Variants in NRF1 observed in about 807,000 individuals in gnomAD.
NRF1 encodes the protein nuclear respiratory factor 1, also known as alpha palindromic-binding protein.
NRF1 carries 5 observed loss-of-function variants against 58.5 expected under a neutral mutation model. The ratio of observed to expected loss-of-function variants is 0.09; its 90% CI spans 0.04 to 0.18. NRF1 has a LOEUF of 0.18. NRF1 is among the 10% of genes least tolerant of loss of function. The probability of loss-of-function intolerance (pLI) is 1.00; values close to 1 mark genes in which losing one functional copy is unlikely to be tolerated. For synonymous variants in NRF1, 224 were observed against 246.7 expected, an observed-to-expected ratio of 0.91 and a Z score of 0.86; for missense variants, 288 against 657.7, an observed-to-expected ratio of 0.44 and a Z score of 6.15.
chr7:129,749,141 C>CA (rs1422429304), intron 10 of NRF1, among the ~76,000 whole-genome samples: 1 of 152,182 alleles, frequency 6.6e-6, no homozygotes, highest in Non-Finnish European at 1.5e-5. Context: ...TGAGAGGCAT[C>CA]ACTTTGTACG....
chr7:129,645,614 C>G (rs1801388001), intron 1 of NRF1, among the ~76,000 whole-genome samples: 1 of 152,118 alleles, frequency 6.6e-6, no homozygotes, highest in South Asian at 2.1e-4. Flanking sequence ...TTCCAAAAAC[C>G]TGATCTATTC....
chr7:129,694,031 A>G (rs555075798), intron 5 of NRF1, among the ~76,000 whole-genome samples: 3 of 152,336 alleles, frequency 2.0e-5, no homozygotes, highest in African/African-American at 7.2e-5. Context: ...TCAAAACCAC[A>G]CTCAGTAGAG....
At chr7:129,667,138 C>T (rs1437426917) in intron 2 of NRF1, among the ~76,000 whole-genome samples, 1 of 152,182 alleles carries the variant, frequency 6.6e-6, no homozygotes, top group African/African-American at 2.4e-5. Context: ...CCAAAGATGT[C>T]CATTTTCAAC....
chr7:129,634,085 C>CACACACA (rs1801119751), intron 1 of NRF1, among the ~76,000 whole-genome samples: 1 of 145,756 alleles, frequency 6.9e-6, no homozygotes, highest in East Asian at 2.0e-4. Flanking sequence ...CACACACACA[C>CACACACA]TTTATTTTTT....
intron 5 of NRF1, among the ~76,000 whole-genome samples, chr7:129,699,955 T>C (rs1483872590): frequency 7.1e-6 from 1 of 140,748 alleles, no homozygotes; most frequent in East Asian, 2.1e-4. Context: ...CTGACCAACA[T>C]AGTGAAACCC....
intron 2 of NRF1, among the ~76,000 whole-genome samples, chr7:129,661,027 C>A (rs1249166289): frequency 1.3e-5 from 2 of 151,358 alleles, no homozygotes; most frequent in Non-Finnish European, 2.9e-5. Flanking sequence ...TCCTTGACTT[C>A]TGTACACTTG....
At chr7:129,638,425 G>T (rs979420039) in intron 1 of NRF1, among the ~76,000 whole-genome samples, 1 of 152,188 alleles carries the variant, frequency 6.6e-6, no homozygotes, top group Middle Eastern at 3.2e-3. Context: ...GAAGGTGGAT[G>T]ATGAGCAGCT....
At chr7:129,753,675 A>C (rs1487196936) in intron 10 of NRF1, among the ~76,000 whole-genome samples, 1 of 152,054 alleles carries the variant, frequency 6.6e-6, no homozygotes, top group Non-Finnish European at 1.5e-5. Flanking sequence ...TCTTCCTTTA[A>C]GCCATCCTTT....
intron 10 of NRF1, among the ~76,000 whole-genome samples, chr7:129,740,569 C>T (rs775189373): frequency 3.3e-5 from 5 of 152,206 alleles, no homozygotes; most frequent in Non-Finnish European, 7.3e-5. Context: ...TCTGTCACTC[C>T]TCAGGCATAC....
At chr7:129,673,671 C>T (rs1287984388) in intron 3 of NRF1, among the ~76,000 whole-genome samples, 2 of 140,706 alleles carry the variant, frequency 1.4e-5, no homozygotes, top group East Asian at 2.2e-4. Flanking sequence ...GAGCGGAGAT[C>T]GCGCCACAGC....
At chr7:129,670,075 G>A (rs544180428) in intron 2 of NRF1, among the ~76,000 whole-genome samples, 36 of 152,304 alleles carry the variant, frequency 2.4e-4, no homozygotes, top group Admixed American at 2.1e-3. Flanking sequence ...ATTATGATAA[G>A]TGAAACAAAC....
In NRF1 at chr7:129,711,583, A is replaced by G; in HGVS notation, c.1065+7A>G. On this transcript the variant is annotated splice_region_variant and intron_variant, in intron 8 of 10. Transcript: ENST00000393232. ...TGCCGTGGCTGATGGAGAGGTAAGA[A>G]AGAGATTCCATCTGCATCTTCTTAA... 2 of 1,601,028 alleles carry G rather than the reference A, an allele frequency of 1.2e-6. No homozygotes were observed. The highest frequency in any genetic ancestry group is 1.7e-6 in the Non-Finnish European group (2 of 1,170,958).
intron 1 of NRF1, among the ~76,000 whole-genome samples, chr7:129,641,385 G>A (rs944366990): frequency 4.6e-5 from 7 of 151,998 alleles, no homozygotes; most frequent in African/African-American, 1.7e-4. Flanking sequence ...TGGAAAATGG[G>A]ATTGTAAATA....
At chr7:129,681,351 T>C (rs6467259) in intron 4 of NRF1, among the ~76,000 whole-genome samples, 96,867 of 152,068 alleles carry the variant, frequency 0.64, 31,621 homozygotes, top group South Asian at 0.76. Context: ...TGTGGTGATT[T>C]GTGGGAGCCA....
chr7:129,744,516 G>A (rs1046964390), intron 10 of NRF1, among the ~76,000 whole-genome samples: 11 of 152,022 alleles, frequency 7.2e-5, no homozygotes, highest in Non-Finnish European at 1.3e-4. Context: ...CTACAGGTTC[G>A]AACTGCTGGC....
chr7:129,649,410 T>A (rs1249844232), intron 1 of NRF1, among the ~76,000 whole-genome samples: 1 of 152,224 alleles, frequency 6.6e-6, no homozygotes, highest in Non-Finnish European at 1.5e-5. Context: ...TGCTATTGAT[T>A]AGACTAATGC....
chr7:129,695,513 T>C (rs768871497), intron 5 of NRF1, among the ~76,000 whole-genome samples: 124 of 151,280 alleles, frequency 8.2e-4, no homozygotes, highest in Non-Finnish European at 1.5e-3. Flanking sequence ...GAGGCGGAGG[T>C]TACATTGAGC....
At chr7:129,681,078 GTAATCACAAGTGTCT>G (rs1802296313) in intron 4 of NRF1, among the ~76,000 whole-genome samples, 1 of 152,214 alleles carries the variant, frequency 6.6e-6, no homozygotes, top group Non-Finnish European at 1.5e-5. Context: ...GGCCCTAAAT[GTAATCACAAGTGTCT>G]TTATAAGAGG....
chr7:129,665,448 G>T (rs538228984), intron 2 of NRF1, among the ~76,000 whole-genome samples: 1 of 152,182 alleles, frequency 6.6e-6, no homozygotes, highest in Non-Finnish European at 1.5e-5. Context: ...TGTGTTGCCT[G>T]TCAGAAACAC....
Sources: allele counts gnomAD v4.1 joint callset (sites outside exome capture counted in the v4.1 genomes callset), GRCh38; gene constraint gnomAD v4.1.1; transcripts MANE v1.5; gene names NCBI Gene and HGNC (gene_info 2026-07-23, HGNC 2026-07-21).